ANK1: variants seen among roughly 807,000 people sequenced by gnomAD.
The protein encoded by ANK1 is ankyrin-1.
In ANK1, 51 loss-of-function variants were observed where a neutral mutation model predicts 210.4. The ratio of observed to expected loss-of-function variants is 0.24; its 90% CI spans 0.19 to 0.31. The LOEUF is 0.31. Among genes scored for constraint, ANK1 ranks in the 10% least tolerant of loss-of-function variants. The probability of loss-of-function intolerance (pLI) is 1.00; values close to 1 mark genes in which losing one functional copy is unlikely to be tolerated. For synonymous variants in ANK1, 967 were observed against 1,025.9 expected, an observed-to-expected ratio of 0.94 and a Z score of 1.10; for missense variants, 2,051 against 2,504.4, an observed-to-expected ratio of 0.82 and a Z score of 3.86.
intron 2 of ANK1, among the ~76,000 whole-genome samples, chr8:41,757,048 G>A (rs1213985787): frequency 4.6e-5 from 7 of 152,206 alleles, no homozygotes; most frequent in Non-Finnish European, 8.8e-5. Context: ...AGTCGGAAAT[G>A]GGGCGTTAGT....
At chr8:41,675,741 A>G (rs1228994052) in intron 37 of ANK1, among the ~76,000 whole-genome samples, 2 of 152,074 alleles carry the variant, frequency 1.3e-5, no homozygotes, top group Non-Finnish European at 2.9e-5. Context: ...CTTCTTTGTA[A>G]TCTCTCCCTG....
chr8:41,785,966 C>T (rs567112723), intron 1 of ANK1, among the ~76,000 whole-genome samples: 25 of 152,332 alleles, frequency 1.6e-4, no homozygotes, highest in Non-Finnish European at 3.4e-4. Flanking sequence ...AACCCTCCCG[C>T]GTCTCTTCTC....
intron 1 of ANK1, among the ~76,000 whole-genome samples, chr8:41,836,185 TCA>T (rs543208117): frequency 9.2e-5 from 14 of 152,350 alleles, no homozygotes; most frequent in African/African-American, 3.4e-4. Context: ...CCACAGCATC[TCA>T]CGGGACGTGC....
intron 3 of ANK1, among the ~76,000 whole-genome samples, chr8:41,733,375 A>G (rs1448474754): frequency 6.6e-6 from 1 of 152,262 alleles, no homozygotes; most frequent in East Asian, 1.9e-4. Context: ...ACCTTCAGTA[A>G]CAACATGGTC....
Position 41,887,574 on chromosome 8 carries a change from T to C in ANK1, c.126+8781A>G, listed in dbSNP as rs1337870505. On this transcript the variant is annotated intron_variant, in intron 1 of 42. Transcript: ENST00000265709. Reference sequence around the variant, plus strand: ...GTGCCCAGCTTATTTTGAACAATTATTAAAAATACAGAAAAGGATAAAAAA... The same window carrying C: ...GTGCCCAGCTTATTTTGAACAATTACTAAAAATACAGAAAAGGATAAAAAA... 3.9e-5 allele frequency among the ~76,000 whole-genome samples: 6 copies of C among 152,210 alleles called. No homozygotes were observed. In the East Asian group the frequency reaches 1.2e-3, roughly 29 times the overall value.
intron 20 of ANK1, among the ~76,000 whole-genome samples, chr8:41,703,422 G>GTGTATATATATATATATATATA: frequency 1.9e-5 from 1 of 53,766 alleles, no homozygotes; most frequent in Non-Finnish European, 3.5e-5. Flanking sequence ...GTGTGTGTGT[G>GTGTATATATATATATATATATA]TATATATATA....
intron 1 of ANK1, among the ~76,000 whole-genome samples, chr8:41,885,796 T>C (rs1818355629): frequency 2.0e-5 from 3 of 152,266 alleles, no homozygotes; most frequent in Admixed American, 2.0e-4. Context: ...AGTGTCTCCA[T>C]AAATTCAGTG....
chr8:41,879,679 T>C (rs1191755448), intron 1 of ANK1, among the ~76,000 whole-genome samples: 1 of 152,144 alleles, frequency 6.6e-6, no homozygotes, highest in African/African-American at 2.4e-5. Flanking sequence ...CCTGGTTCAT[T>C]GGAGCTTCCC....
At chr8:41,827,244 T>C (rs955545473) in intron 1 of ANK1, among the ~76,000 whole-genome samples, 2 of 152,246 alleles carry the variant, frequency 1.3e-5, no homozygotes, top group Non-Finnish European at 2.9e-5. Context: ...TAAATACCCA[T>C]CTAATGGTAG....
intron 10 of ANK1, 91 bp downstream of exon 10, chr8:41,719,570 C>T (rs890167368): frequency 3.2e-5 from 49 of 1,552,428 alleles, no homozygotes; most frequent in African/African-American, 1.6e-4. Flanking sequence ...GGGCACCTGC[C>T]GCCCTTCCCA....
At chr8:41,700,511 C>A (rs372042529) in intron 22 of ANK1, 5 of 1,546,172 alleles carry the variant, frequency 3.2e-6, no homozygotes, top group Non-Finnish European at 4.5e-6. Flanking sequence ...GCAGTTAAAG[C>A]GAGAGGCATA....
chr8:41,742,063 G>T (rs753704643), intron 2 of ANK1, among the ~76,000 whole-genome samples: 3 of 152,170 alleles, frequency 2.0e-5, no homozygotes, highest in Admixed American at 2.0e-4. Flanking sequence ...CCTCAGCTAG[G>T]CTATGTTTCT....
rs1563491543 is a variant in ANK1 at position 41,703,438 on chromosome 8, A to ATT, written c.2295+602_2295+603insAA. On this transcript the variant is annotated intron_variant, in intron 20 of 42. Transcript: ENST00000289734. ...TGTGTGTGTGTATATATATATATAT[A>ATT]TATATATATATATTTTTTTTTTTTT... Among the ~76,000 whole-genome samples, 6 of 68,522 alleles carry ATT rather than the reference A, an allele frequency of 8.8e-5. 1 individual carries two copies. The highest frequency in any genetic ancestry group is 3.4e-4 in the African/African-American group (6 of 17,506). 45.0% of individuals were successfully genotyped at this position (68,522 alleles called of 152,430 possible). A position where few individuals can be genotyped will look rare whatever the true frequency, so the allele number is the denominator to read the frequency against.
intron 1 of ANK1, among the ~76,000 whole-genome samples, chr8:41,888,368 C>T (rs1361626079): frequency 5.9e-5 from 9 of 152,158 alleles, no homozygotes; most frequent in African/African-American, 1.7e-4. Context: ...AATGTGATAC[C>T]GCACATTGGA....
chr8:41,710,006 C>T (rs1042945659), intron 16 of ANK1, among the ~76,000 whole-genome samples: 2 of 152,202 alleles, frequency 1.3e-5, no homozygotes, highest in African/African-American at 4.8e-5. Flanking sequence ...ATTATAATTG[C>T]ACAATGAGAT....
intron 1 of ANK1, among the ~76,000 whole-genome samples, chr8:41,895,395 G>C (rs906906619): frequency 6.6e-6 from 1 of 152,106 alleles, no homozygotes; most frequent in Non-Finnish European, 1.5e-5. Context: ...TGGCTCTAAG[G>C]TGCCCTGACT....
chr8:41,677,435 GTCTT>G (rs1042823352), intron 37 of ANK1, among the ~76,000 whole-genome samples: 1 of 151,964 alleles, frequency 6.6e-6, no homozygotes, highest in African/African-American at 2.4e-5. Context: ...AGGTAGAAAA[GTCTT>G]TATTTTGCTT....
intron 1 of ANK1, among the ~76,000 whole-genome samples, chr8:41,867,283 G>C (rs1244778622): frequency 6.6e-6 from 1 of 152,146 alleles, no homozygotes; most frequent in Non-Finnish European, 1.5e-5. Flanking sequence ...GAGTGGAAGG[G>C]GTGAAACTGA....
chr8:41,668,397 A>G lies in ANK1; in HGVS notation c.5264T>C (p.Val1755Ala), dbSNP rs1563356573. 3.1e-6 allele frequency: 5 copies of G among 1,614,194 alleles called. No individual in the cohort carries two copies. Among genetic ancestry groups the G allele is most frequent in the South Asian group, 2.2e-5 (2 of 91,090 alleles). Residue 1755 changes from valine to alanine, a missense_variant, in exon 39 of 43, where the codon GTG becomes GCG. Val to Ala is a moderately conservative substitution (Grantham distance 64). This residue lies in a region of ANK1 where 496 missense variants were observed against 533.4 expected (regional missense o/e 0.93). Transcript: ENST00000289734. ...GGSQEYEKVL[V>A]SVSEHTWTEQ... ...TGTCCACGTGTGCTCACTTACAGAC[A>G]CCAGGACCTTCTCGTACTCCTGAGA...
Sources: allele counts gnomAD v4.1 joint callset (sites outside exome capture counted in the v4.1 genomes callset), GRCh38; gene constraint gnomAD v4.1.1; regional missense constraint gnomAD v4.1.1; transcripts MANE v1.5; gene names NCBI Gene and HGNC (gene_info 2026-07-23, HGNC 2026-07-21).